ASS1: variants seen among roughly 807,000 people sequenced by gnomAD.
ASS1 encodes argininosuccinate synthase.
ASS1 carries 58 observed loss-of-function variants against 60.5 expected under a neutral mutation model. The observed-to-expected ratio is 0.96, with a 90% CI of 0.78 to 1.19. The LOEUF is 1.19. ASS1 is among the 50% of genes most tolerant of loss of function. ASS1 has a pLI of 0.00. For missense variants in ASS1, 454 were observed against 547.3 expected, an observed-to-expected ratio of 0.83 and a Z score of 1.70; for synonymous variants, 200 against 206.9, an observed-to-expected ratio of 0.97 and a Z score of 0.29.
chr9:130,445,230 GCGAGTCCC>G (rs1020244970), intron 1 of ASS1: 6 of 20,494 alleles, frequency 2.9e-4, no homozygotes, highest in Middle Eastern at 0.014. Context: ...CGGCGGGGGC[GCGAGTCCC>G]CGGGGGCGCG....
intron 5 of ASS1, among the ~76,000 whole-genome samples, chr9:130,465,872 C>T (rs1396577421): frequency 6.6e-6 from 1 of 152,220 alleles, no homozygotes; most frequent in Non-Finnish European, 1.5e-5. Flanking sequence ...GGCCCTCCCT[C>T]GGTTCCCACA....
At chr9:130,496,333 G>A (rs1045042303) in intron 13 of ASS1, among the ~76,000 whole-genome samples, 7 of 151,836 alleles carry the variant, frequency 4.6e-5, no homozygotes, top group African/African-American at 7.3e-5. Flanking sequence ...AGGTGGGAGC[G>A]TCTCTTGAGT....
chr9:130,490,931 C>T (rs1318066943), intron 12 of ASS1, among the ~76,000 whole-genome samples: 4 of 152,146 alleles, frequency 2.6e-5, no homozygotes, highest in Non-Finnish European at 5.9e-5. Context: ...TGCCTGAGGC[C>T]GATCCTCACA....
rs1378963730 is a variant in ASS1, at chr9:130,462,177, G to A, written c.364-1934G>A. Among the ~76,000 whole-genome samples, 8 of 152,148 alleles carry A rather than the reference G, an allele frequency of 5.3e-5. No individual in the cohort carries two copies. The East Asian group carries it at 1.4e-3, about 26-fold the overall frequency. On this transcript the variant is annotated intron_variant, in intron 4 of 14. Coordinates refer to ENST00000352480, the MANE Select transcript of ASS1 (RefSeq NM_054012.4). ...CCCCCTAGTTTTGGAAGAGGGGCCT[G>A]GAAATATGATTCTGAGACTCTAGCC...
intron 3 of ASS1, 51 bp from the exon 4 acceptor site, chr9:130,458,350 G>C: frequency 6.2e-7 from 1 of 1,609,852 alleles, no homozygotes; most frequent in Non-Finnish European, 8.5e-7. Context: ...CTGTATGCCA[G>C]ATGGCCCCTG....
chr9:130,500,640 C>T (rs1202195618), intron 14 of ASS1, among the ~76,000 whole-genome samples: 1 of 152,118 alleles, frequency 6.6e-6, no homozygotes, highest in Non-Finnish European at 1.5e-5. Flanking sequence ...GCCTCCTGCG[C>T]CCTCTGTTTG....
chr9:130,470,107 G>A lies in ASS1; in HGVS notation c.496-727G>A, dbSNP rs1845832354. 6.6e-6 allele frequency among the ~76,000 whole-genome samples: 1 copy of A among 152,084 alleles called. No homozygotes were observed. The highest frequency in any genetic ancestry group is 6.5e-5 in the Admixed American group (1 of 15,290). ...GTGGTGCGGGTCCCCAGGGCGACAA[G>A]CCTCATCTTCTTCCTCCTCTTAAGG... On this transcript the variant is annotated intron_variant, in intron 6 of 14. Coordinates refer to ENST00000352480, the MANE Select transcript of ASS1 (RefSeq NM_054012.4). This position sits in a 1 kb window ranked among gnomAD's most constrained non-coding sequence, Gnocchi z 4.3.
intron 13 of ASS1, among the ~76,000 whole-genome samples, chr9:130,495,404 A>G (rs144009352): frequency 1.3e-5 from 2 of 151,128 alleles, no homozygotes; most frequent in African/African-American, 4.9e-5. Context: ...GCAACATAGA[A>G]AGACCTTGTC....
At position 130,476,705 on chromosome 9, in the gene ASS1, C is replaced by T. The variant is rs1029439515; in HGVS notation, c.598-166C>T. 15 of 699,276 alleles carry T rather than the reference C, an allele frequency of 2.1e-5. No homozygotes were observed. The highest frequency in any genetic ancestry group is 9.3e-5 in the South Asian group (6 of 64,288). The allele number at this position is 699,276 out of a possible 1,614,324, so 43.3% of individuals were successfully genotyped here. A position where few individuals can be genotyped will look rare whatever the true frequency, so the allele number is the denominator to read the frequency against. ...CTTTGTTTCCCAGGCCTCTGGCAAG[C>T]GAGGCTGGTGCTAGGCTGAGGGCTG... is the stretch of plus-strand genomic sequence containing the variant. On this transcript the variant is annotated intron_variant, in intron 8 of 14. Transcript: ENST00000352480. This position sits in a 1 kb window ranked among gnomAD's most constrained non-coding sequence, Gnocchi z 4.9.
At chr9:130,454,824 T>C (rs757304221) in intron 3 of ASS1, among the ~76,000 whole-genome samples, 1 of 147,248 alleles carries the variant, frequency 6.8e-6, no homozygotes, top group African/African-American at 2.5e-5. Context: ...CACCCATCCA[T>C]TCACCCATCA....
chr9:130,473,448 G>A (rs1034647387), intron 8 of ASS1, among the ~76,000 whole-genome samples: 1 of 152,012 alleles, frequency 6.6e-6, no homozygotes, highest in African/African-American at 2.4e-5. Flanking sequence ...GGGAAACATC[G>A]TTCCTGCTGA....
intron 3 of ASS1, among the ~76,000 whole-genome samples, chr9:130,455,153 A>C (rs111066179): frequency 1.5e-4 from 22 of 148,438 alleles, no homozygotes; most frequent in African/African-American, 5.5e-4. Context: ...CCATCCATCC[A>C]TCATTCTTCA....
In ASS1 at chr9:130,459,741, TG is replaced by T. The variant is rs1470371271; in HGVS notation, c.363+1154del. Among the ~76,000 whole-genome samples, 1 of 152,196 alleles carries T rather than the reference TG, an allele frequency of 6.6e-6. No individual in the cohort carries two copies. The highest frequency in any genetic ancestry group is 1.5e-5 in the Non-Finnish European group (1 of 68,028). On this transcript the variant is annotated intron_variant, in intron 4 of 14. Coordinates refer to ENST00000352480, the MANE Select transcript of ASS1 (RefSeq NM_054012.4). This position sits in a 1 kb window ranked among gnomAD's most constrained non-coding sequence, Gnocchi z 4.6. ...TGGGCCACCATGCCCAGCCTTAACT[TG>T]GTTATTTCTGTTAAGACCACATGAG...
chr9:130,455,296 TC>T (rs886069728), intron 3 of ASS1, among the ~76,000 whole-genome samples: 52 of 151,890 alleles, frequency 3.4e-4, no homozygotes, highest in Admixed American at 1.2e-3. Flanking sequence ...CACCCATCCA[TC>T]CCTTCATTAT....
chr9:130,461,837 G>A (rs960983040), intron 4 of ASS1, among the ~76,000 whole-genome samples: 7 of 152,148 alleles, frequency 4.6e-5, no homozygotes, highest in African/African-American at 7.2e-5. Context: ...GCACTGCCCC[G>A]GGCGCCATCA....
At position 130,476,716 on chromosome 9, in the gene ASS1, C is replaced by G; in HGVS notation, c.598-155C>G. The G allele has an allele frequency of 1.3e-6, 1 of 763,806 alleles. No homozygotes were observed. Among genetic ancestry groups the G allele is most frequent in the East Asian group, 2.5e-5 (1 of 39,380 alleles). The allele number at this position is 763,806 out of a possible 1,614,324, so 47.3% of individuals were successfully genotyped here. A position where few individuals can be genotyped will look rare whatever the true frequency, so the allele number is the denominator to read the frequency against. On this transcript the variant is annotated intron_variant, in intron 8 of 14. Transcript: ENST00000352480. This position sits in a 1 kb window ranked among gnomAD's most constrained non-coding sequence, Gnocchi z 4.9. ...AGGCCTCTGGCAAGCGAGGCTGGTG[C>G]TAGGCTGAGGGCTGGGGACCGGGGG... is the stretch of plus-strand genomic sequence containing the variant.
chr9:130,456,881 G>A (rs1304052953), intron 3 of ASS1, among the ~76,000 whole-genome samples: 3 of 151,426 alleles, frequency 2.0e-5, no homozygotes, highest in Admixed American at 2.0e-4. Context: ...AGCCAAGATT[G>A]CACCTCTGCA....
Position 130,478,306 on chromosome 9 carries a change from G to A in ASS1, c.688+1345G>A, listed in dbSNP as rs986399572. ...CATCTCTGAGAAGATGGTGGGAGTG[G>A]CCCCAGCAGCACCTCCTGGCTCCCT... is the stretch of plus-strand genomic sequence containing the variant. On this transcript the variant is annotated intron_variant, in intron 9 of 14. Coordinates refer to ENST00000352480, the MANE Select transcript of ASS1 (RefSeq NM_054012.4). The surrounding 1 kb of genome is among the most constrained non-coding windows in gnomAD (Gnocchi z 4.7). Among the ~76,000 whole-genome samples, 6 of 152,180 alleles carry A rather than the reference G, an allele frequency of 3.9e-5. No homozygotes were observed. Among genetic ancestry groups the A allele is most frequent in the Non-Finnish European group, 5.9e-5 (4 of 68,030 alleles).
At chr9:130,484,342 A>G (rs534203292) in intron 11 of ASS1, among the ~76,000 whole-genome samples, 31 of 152,068 alleles carry the variant, frequency 2.0e-4, no homozygotes, top group African/African-American at 7.5e-4. Flanking sequence ...GACAGATGAG[A>G]AGAATTTGGG....
Sources: allele counts gnomAD v4.1 joint callset (sites outside exome capture counted in the v4.1 genomes callset), GRCh38; gene constraint gnomAD v4.1.1; non-coding constraint Gnocchi (gnomAD v3.1); transcripts MANE v1.5; gene names NCBI Gene and HGNC (gene_info 2026-07-23, HGNC 2026-07-21).